The following SEMA3A variants were observed in gnomAD, a reference collection of about 807,000 sequenced individuals.
SEMA3A encodes semaphorin-3A.
A neutral mutation model predicts 97.9 loss-of-function variants in SEMA3A; 29 were observed. The observed-to-expected ratio is 0.30, with a 90% confidence interval of 0.22 to 0.40. The LOEUF (loss-of-function observed/expected upper bound fraction) is 0.40. Ranked by LOEUF, SEMA3A falls within the 10% of genes least tolerant of loss-of-function variation. The pLI, the probability that SEMA3A is intolerant of heterozygous loss-of-function variation, is 1.00. For synonymous variants in SEMA3A, 321 were observed against 323.7 expected, an observed-to-expected ratio of 0.99 and a Z score of 0.09; for missense variants, 763 against 951.3, an observed-to-expected ratio of 0.80 and a Z score of 2.60.
At chr7:84,407,255 T>TAACA (rs1554380104) in intron 1 of SEMA3A, among the ~76,000 whole-genome samples, 1 of 149,748 alleles carries the variant, frequency 6.7e-6, no homozygotes. Context: ...TATACACCAA[T>TAACA]AACAGAGAGC....
At chr7:84,394,745 T>C (rs1803680108) in intron 1 of SEMA3A, among the ~76,000 whole-genome samples, 1 of 152,134 alleles carries the variant, frequency 6.6e-6, no homozygotes, top group Admixed American at 6.6e-5. Context: ...AATAGAATTT[T>C]CATTGCCAGC....
chr7:84,422,259 TC>T (rs1187887044), intron 1 of SEMA3A, among the ~76,000 whole-genome samples: 2 of 152,048 alleles, frequency 1.3e-5, no homozygotes, highest in Non-Finnish European at 2.9e-5. Context: ...GGTGTATGTG[TC>T]CAGGAATTTA....
intron 4 of SEMA3A, among the ~76,000 whole-genome samples, chr7:84,109,164 T>A (rs1583979954): frequency 6.6e-6 from 1 of 152,028 alleles, no homozygotes; most frequent in Non-Finnish European, 1.5e-5. Context: ...CTAAATCAGG[T>A]GCTAAAACAA....
At chr7:84,075,198 C>G (rs1387149959) in intron 4 of SEMA3A, among the ~76,000 whole-genome samples, 1 of 143,944 alleles carries the variant, frequency 6.9e-6, no homozygotes, top group Non-Finnish European at 1.5e-5. Flanking sequence ...TTTTTTGAGA[C>G]AGAGTTTTGC....
At chr7:84,483,229 C>A (rs1210049549) in intron 1 of SEMA3A, among the ~76,000 whole-genome samples, 3 of 152,104 alleles carry the variant, frequency 2.0e-5, no homozygotes, top group East Asian at 3.9e-4. Context: ...GTAATTTGAC[C>A]TTTTGTTAAC....
rs144324209 is a variant in SEMA3A, at chr7:83,975,749, A to T, written c.1717+1383T>A. On this transcript the variant is annotated intron_variant, in intron 15 of 16. Transcript: ENST00000265362. ...TATCATTAACTCTCCACATATAGGC[A>T]AACAGATTATTTAGTGTAATGAATT... 5.4e-3 allele frequency among the ~76,000 whole-genome samples: 816 copies of T among 152,292 alleles called. 2 individuals carry two copies. Among genetic ancestry groups the T allele is most frequent in the Non-Finnish European group, 9.3e-3 (635 of 68,022 alleles).
chr7:84,488,317 T>TACACACACACACAC (rs67659986), intron 1 of SEMA3A, among the ~76,000 whole-genome samples: 177 of 145,764 alleles, frequency 1.2e-3, no homozygotes, highest in African/African-American at 4.4e-3. Context: ...TCTTCGTATA[T>TACACACACACACAC]ACACACACAC....
At chr7:84,055,066 G>A (rs1792894144) in intron 5 of SEMA3A, among the ~76,000 whole-genome samples, 1 of 152,012 alleles carries the variant, frequency 6.6e-6, no homozygotes, top group Non-Finnish European at 1.5e-5. Context: ...CCCGTTCTCA[G>A]ATCTCCAGCT....
intron 1 of SEMA3A, among the ~76,000 whole-genome samples, chr7:84,403,906 T>C (rs2522374): frequency 0.18 from 26,890 of 151,914 alleles, 2,514 homozygotes; most frequent in Middle Eastern, 0.21. Flanking sequence ...GTCACCATCA[T>C]CAAAGACCAA....
chr7:84,315,120 A>G (rs59630020), intron 2 of SEMA3A, among the ~76,000 whole-genome samples: 22,610 of 152,100 alleles, frequency 0.15, 1,941 homozygotes, highest in African/African-American at 0.22. Context: ...CCTTACCAAT[A>G]TCAAACTCCA....
chr7:84,192,574 A>C (rs951152729), intron 1 of SEMA3A, among the ~76,000 whole-genome samples: 1 of 151,940 alleles, frequency 6.6e-6, no homozygotes, highest in East Asian at 1.9e-4. Flanking sequence ...TGCTTGCTTC[A>C]TCAGATAGGT....
chr7:83,979,941 A>G (rs899571944), intron 14 of SEMA3A, among the ~76,000 whole-genome samples: 2 of 152,196 alleles, frequency 1.3e-5, no homozygotes, highest in Non-Finnish European at 2.9e-5. Flanking sequence ...AGCTATGAAA[A>G]TCTACATTCA....
intron 3 of SEMA3A, among the ~76,000 whole-genome samples, chr7:84,281,070 C>T (rs972047627): frequency 2.0e-5 from 3 of 152,092 alleles, no homozygotes; most frequent in Non-Finnish European, 4.4e-5. Flanking sequence ...ATTTTGAATT[C>T]ACTGGTATGT....
At chr7:84,122,447 A>G (rs1795651416) in intron 3 of SEMA3A, among the ~76,000 whole-genome samples, 1 of 152,138 alleles carries the variant, frequency 6.6e-6, no homozygotes. Flanking sequence ...AAAGCATGCA[A>G]AAAGCTAGTC....
intron 3 of SEMA3A, among the ~76,000 whole-genome samples, chr7:84,283,162 A>G (rs1228822455): frequency 6.6e-6 from 1 of 152,090 alleles, no homozygotes; most frequent in Non-Finnish European, 1.5e-5. Flanking sequence ...GAACAGTAAG[A>G]GGAAGCTTGG....
rs771802840 is a variant in SEMA3A at position 84,233,139 on chromosome 7, C to T, written c.-82-38471G>A. ...ATTAACTTGTAACTTCTCAATCATG[C>T]AATATTTTCTTCATTTTAATTTATT... On this transcript the variant is annotated intron_variant, in intron 3 of 3. Coordinates refer to the SEMA3A transcript ENST00000424555. Among the ~76,000 whole-genome samples the T allele has an allele frequency of 2.5e-4, 38 of 151,920 alleles. 1 individual carries two copies. Among genetic ancestry groups the T allele is most frequent in the Non-Finnish European group, 4.6e-4 (31 of 67,900 alleles).
At chr7:83,995,869 CT>C (rs1337481930) in intron 12 of SEMA3A, among the ~76,000 whole-genome samples, 2 of 152,102 alleles carry the variant, frequency 1.3e-5, no homozygotes, top group African/African-American at 4.8e-5. Context: ...CACAAGGACA[CT>C]TTTTTAGAAT....
At chr7:84,430,796 TGTGTGTGTGTGTGTG>T (rs1804959644) in intron 1 of SEMA3A, among the ~76,000 whole-genome samples, 2 of 103,562 alleles carry the variant, frequency 1.9e-5, no homozygotes, top group South Asian at 6.6e-4. Flanking sequence ...AATTTGTGTG[TGTGTGTGTGTGTGTG>T]TGTGTGTGTG....
intron 1 of SEMA3A, among the ~76,000 whole-genome samples, chr7:84,168,570 T>A (rs2116194120): frequency 6.6e-6 from 1 of 152,002 alleles, no homozygotes; most frequent in South Asian, 2.1e-4. Context: ...TCTACAAATA[T>A]AACTGGCAGT....
Sources: gnomAD v4.1 joint callset for allele counts (sites outside exome capture counted in the v4.1 genomes callset) on GRCh38, gnomAD v4.1.1 for gene constraint, MANE v1.5 for transcripts, NCBI Gene and HGNC (gene_info 2026-07-23, HGNC 2026-07-21) for gene names.